Variants in NUP210L observed in about 807,000 individuals in gnomAD.
The protein encoded by NUP210L is nucleoporin 210 like.
In NUP210L, 74 loss-of-function variants were observed where a neutral mutation model predicts 208.5. That is an observed-to-expected ratio of 0.35 (90% CI 0.29 to 0.43). The LOEUF (loss-of-function observed/expected upper bound fraction) is 0.43, where lower values mean the gene tolerates loss of function less well. Among genes scored for constraint, NUP210L ranks in the 20% least tolerant of loss-of-function variants. The pLI, the probability that NUP210L is intolerant of heterozygous loss-of-function variation, is 1.00. For synonymous variants in NUP210L, 780 were observed against 816.9 expected, an observed-to-expected ratio of 0.95 and a Z score of 0.77; for missense variants, 1,843 against 2,289.4, an observed-to-expected ratio of 0.81 and a Z score of 3.98.
At chr1:154,023,055 A>G (rs1325071361) in intron 31 of NUP210L, 67 bp downstream of exon 31, 9 of 1,394,160 alleles carry the variant, frequency 6.5e-6, no homozygotes, top group Non-Finnish European at 9.0e-6. Flanking sequence ...TGGAGCTGCT[A>G]TATAATACTA....
intron 5 of NUP210L, 64 bp from the exon 6 acceptor site, chr1:154,138,302 T>G: frequency 7.0e-7 from 1 of 1,425,792 alleles, no homozygotes; most frequent in Non-Finnish European, 9.4e-7. Flanking sequence ...ACAGTCATCT[T>G]TCTTGTTAAA....
chr1:154,139,693 A>C (rs555490465), intron 5 of NUP210L, 109 bp downstream of exon 5: 245 of 817,968 alleles, frequency 3.0e-4, no homozygotes, highest in African/African-American at 6.8e-4. Flanking sequence ...CAAACAAAAA[A>C]AAAAAAAAAA....
At chr1:154,134,751 A>AAAAC (rs1462734913) in intron 7 of NUP210L, among the ~76,000 whole-genome samples, 3 of 149,540 alleles carry the variant, frequency 2.0e-5, no homozygotes, top group Admixed American at 6.7e-5. Context: ...AAAAAAAAAA[A>AAAAC]AAAGATGGAG....
intron 16 of NUP210L, among the ~76,000 whole-genome samples, chr1:154,082,423 G>A (rs1655386016): frequency 6.6e-6 from 1 of 152,084 alleles, no homozygotes; most frequent in African/African-American, 2.4e-5. Flanking sequence ...AATACATGAA[G>A]CAAAACCTGA....
chr1:154,126,362 A>C (rs372381635), exon 10 of NUP210L: 6 of 1,613,416 alleles, frequency 3.7e-6, no homozygotes, highest in Non-Finnish European at 4.2e-6. Context: ...TTATTACCAC[A>C]ACACCATCTT....
At position 154,122,381 on chromosome 1, in the gene NUP210L, G is replaced by A. The variant is rs1657656251; in HGVS notation, c.1327-3573C>T. ...ATTATTTAAAAACAAAACAGGCCCA[G>A]CGCGGTGGCTCACGCCTGTAATCCC... is the stretch of plus-strand genomic sequence containing the variant. On this transcript the variant is annotated intron_variant, in intron 10 of 39. Coordinates refer to ENST00000368559, the Ensembl canonical transcript of NUP210L. Among the ~76,000 whole-genome samples, 3 of 152,142 alleles carry A rather than the reference G, an allele frequency of 2.0e-5. No homozygotes were observed. The South Asian group carries it at 6.2e-4, about 32-fold the overall frequency.
rs368030962 is a variant in NUP210L, at chr1:154,015,220, A to G, written c.4654-2850T>C. Among the ~76,000 whole-genome samples, 5 of 151,266 alleles carry G rather than the reference A, an allele frequency of 3.3e-5. No homozygotes were observed. In the East Asian group the frequency reaches 5.8e-4, roughly 18 times the overall value. ...GATGCTCTCCCTCCCTCCATGCCCCACATATTTATTTTGCAGAGTTAAAAG... is the reference window on the plus strand; with the variant it reads ...GATGCTCTCCCTCCCTCCATGCCCCGCATATTTATTTTGCAGAGTTAAAAG... On this transcript the variant is annotated intron_variant, in intron 33 of 39. Transcript: ENST00000368559.
intron 2 of NUP210L, among the ~76,000 whole-genome samples, chr1:154,150,073 A>G (rs2148160769): frequency 6.6e-6 from 1 of 152,280 alleles, no homozygotes; most frequent in East Asian, 1.9e-4. Context: ...TATAAAAATT[A>G]CAAAAATTTA....
At chr1:154,090,810 TAA>T (rs78712088) in intron 15 of NUP210L, among the ~76,000 whole-genome samples, 16 of 135,608 alleles carry the variant, frequency 1.2e-4, no homozygotes, top group East Asian at 2.1e-4. Flanking sequence ...AAACTACATC[TAA>T]AAAAAAAAAA....
chr1:154,108,869 G>A (rs768788851), intron 12 of NUP210L, among the ~76,000 whole-genome samples: 14 of 151,716 alleles, frequency 9.2e-5, no homozygotes, highest in Non-Finnish European at 2.1e-4. Context: ...GGGAGGCCAA[G>A]GCAGGCAGAT....
In NUP210L at chr1:154,057,757, G is replaced by A. The variant is rs1248979118; in HGVS notation, c.3107+332C>T. 3.4e-5 allele frequency among the ~76,000 whole-genome samples: 5 copies of A among 146,750 alleles called. No individual in the cohort carries two copies. The East Asian group carries it at 8.4e-4, about 25-fold the overall frequency. On this transcript the variant is annotated intron_variant, in intron 22 of 39. Transcript: ENST00000368559. ...GTGTGTATTTTAAGAGATGTAGGCC[G>A]TGCTATGTTGCCCAGGCTGGAGTGC...
chr1:154,004,127 G>A (rs1179438113), intron 35 of NUP210L, among the ~76,000 whole-genome samples: 2 of 149,478 alleles, frequency 1.3e-5, no homozygotes, highest in Non-Finnish European at 3.0e-5. Flanking sequence ...GGAGTGCAGT[G>A]GCGCGATCTT....
At chr1:154,129,913 C>T (rs926387348) in intron 7 of NUP210L, among the ~76,000 whole-genome samples, 2 of 152,216 alleles carry the variant, frequency 1.3e-5, no homozygotes, top group African/African-American at 4.8e-5. Context: ...CTACCACTAC[C>T]ATTTCAGATA....
chr1:154,066,819 C>T (rs1362341052), intron 17 of NUP210L, among the ~76,000 whole-genome samples: 2 of 152,058 alleles, frequency 1.3e-5, no homozygotes, highest in East Asian at 3.9e-4. Context: ...AACACCTCTA[C>T]GCAAATAAAC....
At chr1:154,118,097 G>A (rs532787120) in intron 11 of NUP210L, among the ~76,000 whole-genome samples, 30 of 152,208 alleles carry the variant, frequency 2.0e-4, no homozygotes, top group African/African-American at 6.3e-4. Context: ...ATTACCTGAC[G>A]TCAGAAGTTC....
At chr1:153,999,759 G>A (rs1281820516) in intron 37 of NUP210L, among the ~76,000 whole-genome samples, 2 of 141,792 alleles carry the variant, frequency 1.4e-5, no homozygotes, top group African/African-American at 2.6e-5. Context: ...AAAAAAAAAG[G>A]TTTAAAATAG....
intron 27 of NUP210L, among the ~76,000 whole-genome samples, chr1:154,035,138 C>G (rs1047734152): frequency 5.9e-5 from 9 of 152,094 alleles, no homozygotes; most frequent in Non-Finnish European, 1.3e-4. Flanking sequence ...CCACGCCCAG[C>G]CAATGTCTCT....
chr1:153,999,734 C>CAAAAAA (rs1172554188), intron 37 of NUP210L, among the ~76,000 whole-genome samples: 5 of 54,604 alleles, frequency 9.2e-5, no homozygotes, highest in African/African-American at 3.5e-4. Context: ...AAGACTCTCT[C>CAAAAAA]AAAAAAAAAA....
At chr1:154,096,137 C>A (rs1656170083) in intron 14 of NUP210L, among the ~76,000 whole-genome samples, 1 of 152,130 alleles carries the variant, frequency 6.6e-6, no homozygotes, top group Non-Finnish European at 1.5e-5. Context: ...ATGTTCCCCT[C>A]CCTGTGTCCA....
Sources: gnomAD v4.1 joint callset for allele counts (sites outside exome capture counted in the v4.1 genomes callset) on GRCh38, gnomAD v4.1.1 for gene constraint, MANE v1.5 for transcripts, NCBI Gene and HGNC (gene_info 2026-07-23, HGNC 2026-07-21) for gene names.